ADAMTS17: variants seen among roughly 807,000 people sequenced by gnomAD.
ADAMTS17 encodes A disintegrin and metalloproteinase with thrombospondin motifs 17.
ADAMTS17 carries 113 observed loss-of-function variants against 141.5 expected under a neutral mutation model. The ratio of observed to expected loss-of-function variants is 0.80; its 90% CI spans 0.69 to 0.93. The LOEUF is 0.93. Among genes scored for constraint, ADAMTS17 ranks in the 40% least tolerant of loss-of-function variants. The pLI, the probability that ADAMTS17 is intolerant of heterozygous loss-of-function variation, is 0.00. For missense variants in ADAMTS17, 1,659 were observed against 1,517.9 expected (o/e 1.09, Z -1.54); for synonymous variants, 768 against 630.6 (o/e 1.22, Z -3.27).
chr15:100,290,726 G>GA (rs2044600382), intron 3 of ADAMTS17, among the ~76,000 whole-genome samples: 1 of 152,078 alleles, frequency 6.6e-6, no homozygotes, highest in East Asian at 1.9e-4. Flanking sequence ...CCTGATCTCT[G>GA]AAAAAGACAA....
chr15:100,001,157 C>T (rs2060914001), intron 18 of ADAMTS17, among the ~76,000 whole-genome samples: 1 of 152,058 alleles, frequency 6.6e-6, no homozygotes, highest in Non-Finnish European at 1.5e-5. Flanking sequence ...TTCAGAGGAC[C>T]CAAAGCTCTC....
chr15:100,166,968 G>A (rs2039974152), intron 8 of ADAMTS17, among the ~76,000 whole-genome samples: 1 of 152,222 alleles, frequency 6.6e-6, no homozygotes, highest in Admixed American at 6.5e-5. Flanking sequence ...TGTAGCCTAG[G>A]CCAGTGCTGT....
At chr15:100,001,263 T>C (rs1239504308) in intron 18 of ADAMTS17, among the ~76,000 whole-genome samples, 3 of 152,042 alleles carry the variant, frequency 2.0e-5, no homozygotes, top group African/African-American at 7.2e-5. Flanking sequence ...ACAATGTCTG[T>C]ACTTGGGAAG....
chr15:100,298,314 G>A (rs888014056), intron 3 of ADAMTS17, among the ~76,000 whole-genome samples: 3 of 152,152 alleles, frequency 2.0e-5, no homozygotes, highest in Admixed American at 6.5e-5. Context: ...ATTTGAGGAT[G>A]TCAGCTCCAG....
chr15:100,266,471 GA>G (rs2043720802), intron 4 of ADAMTS17, among the ~76,000 whole-genome samples: 1 of 152,216 alleles, frequency 6.6e-6, no homozygotes, highest in African/African-American at 2.4e-5. Flanking sequence ...AGGGCAGGCA[GA>G]AGCATATTTT....
At chr15:100,236,306 A>T (rs2042653659) in intron 7 of ADAMTS17, among the ~76,000 whole-genome samples, 1 of 124,414 alleles carries the variant, frequency 8.0e-6, no homozygotes, top group African/African-American at 3.1e-5. Flanking sequence ...AAAAACCCTA[A>T]CAAGAGAAGA....
In ADAMTS17 at chr15:100,294,396, G is replaced by C. The variant is rs146402258; in HGVS notation, c.617-12995C>G. On this transcript the variant is annotated intron_variant, in intron 3 of 21. Coordinates refer to ENST00000268070, the MANE Select transcript of ADAMTS17 (RefSeq NM_139057.4). The stretch of plus-strand genomic sequence containing the variant: ...AGGCATGAAATAACTTCTCTCCTAG[G>C]GCCACCCTCCATCACAAAAAAAATG... Among the ~76,000 whole-genome samples the C allele has an allele frequency of 6.6e-5, 10 of 151,914 alleles. No individual in the cohort carries two copies. The East Asian group carries it at 1.9e-3, about 29-fold the overall frequency.
At chr15:100,015,408 C>CT (rs1388341399) in intron 18 of ADAMTS17, among the ~76,000 whole-genome samples, 5 of 150,354 alleles carry the variant, frequency 3.3e-5, no homozygotes, top group South Asian at 4.2e-4. Flanking sequence ...GTGTACCTTG[C>CT]TTTTTTTTGT....
Position 99,994,829 on chromosome 15 carries a change from G to A in ADAMTS17, c.2797-1629C>T, listed in dbSNP as rs372189072. On this transcript the variant is annotated intron_variant, in intron 19 of 21. Transcript: ENST00000268070. ...TCCACCCGACTTGGCCTCCCAAAGTGCTGGGATTACAGGTGCGAGCCATTG... is the reference window on the plus strand; with the variant it reads ...TCCACCCGACTTGGCCTCCCAAAGTACTGGGATTACAGGTGCGAGCCATTG... Among the ~76,000 whole-genome samples the A allele has an allele frequency of 2.6e-5, 4 of 152,258 alleles. No homozygotes were observed. In the East Asian group the frequency reaches 7.7e-4, roughly 29 times the overall value.
At chr15:100,339,636 GCCCCAGGTCCACATTCCCC>G (rs2046306901) in intron 2 of ADAMTS17, among the ~76,000 whole-genome samples, 1 of 23,444 alleles carries the variant, frequency 4.3e-5, no homozygotes, top group Non-Finnish European at 8.9e-5. Flanking sequence ...CACATTCCCC[GCCCCAGGTCCACATTCCCC>G]GCCCCAGGTC....
At position 100,276,462 on chromosome 15, in the gene ADAMTS17, G is replaced by GGTGGGAGGGAGTGGGTGCCTGGTGGGAGA. The variant is rs1555500088; in HGVS notation, c.789+4766_789+4767insTCTCCCACCAGGCACCCACTCCCTCCCAC. On this transcript the variant is annotated intron_variant, in intron 4 of 21. Transcript: ENST00000268070. Reference sequence around the variant, plus strand: ...GGAGGGTGGGAGGGGGTGGGTGCCTGGTGGGAGGGAGTGGGTGCCTGGTGG... The same window carrying GGTGGGAGGGAGTGGGTGCCTGGTGGGAGA: ...GGAGGGTGGGAGGGGGTGGGTGCCTGGTGGGAGGGAGTGGGTGCCTGGTGGGAGAGTGGGAGGGAGTGGGTGCCTGGTGG... Among the ~76,000 whole-genome samples the GGTGGGAGGGAGTGGGTGCCTGGTGGGAGA allele has an allele frequency of 3.8e-5, 4 of 105,064 alleles. 1 individual carries two copies. Among genetic ancestry groups the GGTGGGAGGGAGTGGGTGCCTGGTGGGAGA allele is most frequent in the African/African-American group, 1.5e-4 (4 of 26,154 alleles). 68.9% of individuals were successfully genotyped at this position (105,064 alleles called of 152,430 possible). A position where few individuals can be genotyped will look rare whatever the true frequency, so the allele number is the denominator to read the frequency against.
At chr15:100,133,443 G>T in intron 10 of ADAMTS17, 128 bp from the exon 11 acceptor site, 1 of 847,324 alleles carries the variant, frequency 1.2e-6, no homozygotes, top group Middle Eastern at 2.4e-4. Flanking sequence ...AAGCCAGAGG[G>T]TCATAAGTCT....
At chr15:100,197,195 G>A (rs144615536) in intron 8 of ADAMTS17, among the ~76,000 whole-genome samples, 110 of 152,304 alleles carry the variant, frequency 7.2e-4, no homozygotes, top group African/African-American at 2.2e-3. Flanking sequence ...ACCTCCATGC[G>A]GCATGTGTGC....
chr15:100,234,311 T>C (rs1165413097), intron 7 of ADAMTS17, among the ~76,000 whole-genome samples: 1 of 152,234 alleles, frequency 6.6e-6, no homozygotes. Flanking sequence ...AGACAGGCAC[T>C]GTGCCAAATG....
chr15:100,045,453 G>C lies in ADAMTS17; in HGVS notation c.2591+3404C>G, dbSNP rs61193886. On this transcript the variant is annotated intron_variant, in intron 18 of 21. Coordinates refer to ENST00000268070, the MANE Select transcript of ADAMTS17 (RefSeq NM_139057.4). ...TTTTAGTAGGCAGCTAATTTGGCTG[G>C]AATAAAACTCCAGGCACTGTCTCTC... Among the ~76,000 whole-genome samples the C allele has an allele frequency of 2.2e-3, 328 of 152,236 alleles. 1 individual carries two copies. The highest frequency in any genetic ancestry group is 7.3e-3 in the African/African-American group (302 of 41,546).
At position 100,096,487 on chromosome 15, in the gene ADAMTS17, A is replaced by C; in HGVS notation, c.2017-11T>G. ...GTCACAGCCGATTTTCTAAAGAACC[A>C]GAGGGCCTCATTATTCTGTGGTTAA... On this transcript the variant is annotated splice_polypyrimidine_tract_variant and intron_variant, in intron 14 of 21. Transcript: ENST00000268070. 5 of 1,614,106 alleles carry C rather than the reference A, an allele frequency of 3.1e-6. No homozygotes were observed. Among genetic ancestry groups the C allele is most frequent in the Non-Finnish European group, 4.2e-6 (5 of 1,180,036 alleles).
intron 8 of ADAMTS17, among the ~76,000 whole-genome samples, chr15:100,195,099 C>A (rs1395965592): frequency 6.6e-6 from 1 of 152,264 alleles, no homozygotes; most frequent in African/African-American, 2.4e-5. Flanking sequence ...ATCAGAATAG[C>A]CTTTCACGGG....
intron 16 of ADAMTS17, 121 bp downstream of exon 16, chr15:100,053,776 C>T (rs532678720): frequency 1.4e-6 from 2 of 1,459,588 alleles, no homozygotes; most frequent in Admixed American, 1.7e-5. Context: ...CGGCATAAAC[C>T]CCTGGAAGCC....
At chr15:100,167,834 T>C (rs1424686342) in intron 8 of ADAMTS17, among the ~76,000 whole-genome samples, 1 of 152,320 alleles carries the variant, frequency 6.6e-6, no homozygotes, top group African/African-American at 2.4e-5. Flanking sequence ...GAAAACCTAA[T>C]TTTTACTTAG....
Sources: allele counts gnomAD v4.1 joint callset (sites outside exome capture counted in the v4.1 genomes callset), GRCh38; gene constraint gnomAD v4.1.1; transcripts MANE v1.5; gene names NCBI Gene and HGNC (gene_info 2026-07-23, HGNC 2026-07-21).